Variants in SMARCA2 observed in about 807,000 individuals in gnomAD.
SMARCA2 encodes SWI/SNF related BAF chromatin remodeling complex subunit ATPase 2, also known as SWI/SNF-related matrix-associated actin-dependent regulator of chromatin subfamily A member 2.
In SMARCA2, 61 loss-of-function variants were observed where a neutral mutation model predicts 199.8. The ratio of observed to expected loss-of-function variants is 0.31; its 90% CI spans 0.25 to 0.38. The LOEUF is 0.38. Ranked by LOEUF, SMARCA2 falls within the 10% of genes least tolerant of loss-of-function variation. The pLI is 1.00. For synonymous variants in SMARCA2, 935 were observed against 732.0 expected, an observed-to-expected ratio of 1.28 and a Z score of -4.48; for missense variants, 1,344 against 2,012.2, an observed-to-expected ratio of 0.67 and a Z score of 6.35.
intron 21 of SMARCA2, among the ~76,000 whole-genome samples, chr9:2,098,720 G>C (rs1260414873): frequency 6.6e-6 from 1 of 152,170 alleles, no homozygotes; most frequent in Non-Finnish European, 1.5e-5. Context: ...AAGATCACCT[G>C]AGGTCAGGAG....
chr9:2,126,753 C>G (rs1257651782), intron 27 of SMARCA2, among the ~76,000 whole-genome samples: 1 of 152,248 alleles, frequency 6.6e-6, no homozygotes, highest in Non-Finnish European at 1.5e-5. Context: ...TTGAATGGAA[C>G]AGCTTCCCAT....
chr9:2,038,614 C>G (rs975584698), intron 3 of SMARCA2, among the ~76,000 whole-genome samples: 2 of 152,188 alleles, frequency 1.3e-5, no homozygotes, highest in African/African-American at 4.8e-5. Context: ...TCTAGAGTTT[C>G]TGCACTGAAT....
In SMARCA2 at chr9:2,039,972, C is replaced by G; in HGVS notation, c.790+72C>G. 6.3e-7 allele frequency: 1 copy of G among 1,581,044 alleles called. No individual in the cohort carries two copies. Among genetic ancestry groups the G allele is most frequent in the Non-Finnish European group, 8.6e-7 (1 of 1,164,958 alleles). Reference sequence around the variant, plus strand: ...ATAACAAAGACTGCTCACCAAAACACCGGGTTGTTAAAAGCCCGGGGCTGA... The same window carrying G: ...ATAACAAAGACTGCTCACCAAAACAGCGGGTTGTTAAAAGCCCGGGGCTGA... On this transcript the variant is annotated intron_variant, in intron 4 of 33. Coordinates refer to ENST00000349721, the MANE Select transcript of SMARCA2 (RefSeq NM_003070.5). This position sits in a 1 kb window ranked among gnomAD's most constrained non-coding sequence, Gnocchi z 4.8.
chr9:2,133,370 C>T (rs940855218), intron 27 of SMARCA2, among the ~76,000 whole-genome samples: 5 of 152,128 alleles, frequency 3.3e-5, no homozygotes, highest in Admixed American at 3.3e-4. Context: ...CAGCCTCAAA[C>T]TCCTCGGCTC....
intron 24 of SMARCA2, among the ~76,000 whole-genome samples, chr9:2,114,289 A>G (rs1391746767): frequency 6.6e-6 from 1 of 152,182 alleles, no homozygotes; most frequent in African/African-American, 2.4e-5. Context: ...TAGCACTATG[A>G]TATTTATATT....
At chr9:2,122,730 A>G (rs1249659246) in intron 26 of SMARCA2, among the ~76,000 whole-genome samples, 2 of 152,218 alleles carry the variant, frequency 1.3e-5, no homozygotes, top group Non-Finnish European at 2.9e-5. Context: ...TTGAATCCCA[A>G]TTTCAGTATG....
chr9:2,052,694 C>A (rs938876066), intron 5 of SMARCA2, among the ~76,000 whole-genome samples: 1 of 152,094 alleles, frequency 6.6e-6, no homozygotes, highest in African/African-American at 2.4e-5. Flanking sequence ...ATTTCCCTTC[C>A]AAACTAAGCA....
chr9:2,093,267 G>A (rs1822138858), intron 19 of SMARCA2, among the ~76,000 whole-genome samples: 1 of 152,172 alleles, frequency 6.6e-6, no homozygotes. Context: ...GTATGTGTTG[G>A]GAAATGCTTA....
In SMARCA2 at chr9:2,169,494, G is replaced by C. The variant is rs998177754; in HGVS notation, c.4200-925G>C. Reference sequence around the variant, plus strand: ...CAAAGAATTCTGTGTATTTTGAAGCGAGCACATGCGCTTCCACCCCTCTGT... The same window carrying C: ...CAAAGAATTCTGTGTATTTTGAAGCCAGCACATGCGCTTCCACCCCTCTGT... On this transcript the variant is annotated intron_variant, in intron 28 of 33. Transcript: ENST00000349721. This position sits in a 1 kb window ranked among gnomAD's most constrained non-coding sequence, Gnocchi z 6.5. Among the ~76,000 whole-genome samples, 4 of 152,008 alleles carry C rather than the reference G, an allele frequency of 2.6e-5. No homozygotes were observed. Among genetic ancestry groups the C allele is most frequent in the South Asian group, 4.2e-4 (2 of 4,814 alleles).
chr9:2,099,193 G>A, intron 21 of SMARCA2, among the ~76,000 whole-genome samples: 1 of 152,272 alleles, frequency 6.6e-6, no homozygotes, highest in East Asian at 1.9e-4. Context: ...TGTTATATCA[G>A]ATTTAAGGTA....
chr9:2,192,442 AAC>A, intron 33 of SMARCA2: 1 of 473,232 alleles, frequency 2.1e-6, no homozygotes, highest in Non-Finnish European at 3.8e-6. Context: ...ATTAGCCATA[AAC>A]CTTTCAAGCC....
chr9:2,029,379 T>C, intron 2 of SMARCA2, 132 bp downstream of exon 2: 1 of 1,293,918 alleles, frequency 7.7e-7, no homozygotes, highest in South Asian at 1.4e-5. Context: ...ATATCTCATA[T>C]ATTATTAAAA....
chr9:2,179,909 C>T (rs2129854435), intron 29 of SMARCA2, among the ~76,000 whole-genome samples: 1 of 152,300 alleles, frequency 6.6e-6, no homozygotes, highest in African/African-American at 2.4e-5. Flanking sequence ...ACTCTCACTG[C>T]ATTTCATAGG....
At chr9:2,076,351 T>G in intron 13 of SMARCA2, 22 bp downstream of exon 13, 1 of 1,332,658 alleles carries the variant, frequency 7.5e-7, no homozygotes, top group Non-Finnish European at 1.1e-6. Flanking sequence ...ATTTTTCCCT[T>G]GGAAATGCAT....
At position 2,119,249 on chromosome 9, in the gene SMARCA2, A is replaced by G. The variant is rs947318915; in HGVS notation, c.3685-209A>G. ...GAACTCATATTTCTTATAGTGGACC[A>G]CAGTTTCCTCCCTGAACGGATTTTG... is the stretch of plus-strand genomic sequence containing the variant. On this transcript the variant is annotated intron_variant, in intron 25 of 33. Coordinates refer to ENST00000349721, the MANE Select transcript of SMARCA2 (RefSeq NM_003070.5). The surrounding 1 kb of genome is among the most constrained non-coding windows in gnomAD (Gnocchi z 4.6). Among the ~76,000 whole-genome samples, 1 of 152,228 alleles carries G rather than the reference A, an allele frequency of 6.6e-6. No homozygotes were observed. The highest frequency in any genetic ancestry group is 1.5e-5 in the Non-Finnish European group (1 of 68,042).
At chr9:2,077,338 C>T (rs1821372913) in intron 13 of SMARCA2, among the ~76,000 whole-genome samples, 1 of 152,174 alleles carries the variant, frequency 6.6e-6, no homozygotes, top group East Asian at 1.9e-4. Flanking sequence ...AGGGGGCCTG[C>T]ATTCGAATCC....
chr9:2,158,943 A>G (rs368024927), intron 27 of SMARCA2: 1 of 1,612,102 alleles, frequency 6.2e-7, no homozygotes, highest in Non-Finnish European at 8.5e-7. Context: ...AGCTCTCTGC[A>G]TTCCTGCATA....
intron 27 of SMARCA2, among the ~76,000 whole-genome samples, chr9:2,147,301 A>T (rs1824810673): frequency 1.3e-5 from 2 of 152,078 alleles, no homozygotes; most frequent in Admixed American, 6.5e-5. Context: ...CATTCCAAAA[A>T]GATGGAAGAG....
At chr9:2,079,216 G>T (rs1821459025) in intron 14 of SMARCA2, among the ~76,000 whole-genome samples, 1 of 152,132 alleles carries the variant, frequency 6.6e-6, no homozygotes, top group Non-Finnish European at 1.5e-5. Flanking sequence ...GTAACCATAA[G>T]GCACATCAGC....
Sources: gnomAD v4.1 joint callset for allele counts (sites outside exome capture counted in the v4.1 genomes callset) on GRCh38, gnomAD v4.1.1 for gene constraint, Gnocchi (gnomAD v3.1) non-coding constraint, MANE v1.5 for transcripts, NCBI Gene and HGNC (gene_info 2026-07-23, HGNC 2026-07-21) for gene names.